CAMTA1: variants seen among roughly 807,000 people sequenced by gnomAD.
The protein encoded by CAMTA1 is calmodulin-binding transcription activator 1.
In CAMTA1, 27 loss-of-function variants were observed where a neutral mutation model predicts 170.9. The ratio of observed to expected loss-of-function variants is 0.16; its 90% confidence interval spans 0.12 to 0.22. The LOEUF (loss-of-function observed/expected upper bound fraction) is 0.22. Among genes scored for constraint, CAMTA1 ranks in the 10% least tolerant of loss-of-function variants. The probability of loss-of-function intolerance (pLI) is 1.00; values close to 1 mark genes in which losing one functional copy is unlikely to be tolerated. For missense variants in CAMTA1, 1,619 were observed against 2,217.2 expected, an observed-to-expected ratio of 0.73 and a Z score of 5.42; for synonymous variants, 833 against 891.5, an observed-to-expected ratio of 0.93 and a Z score of 1.17.
chr1:7,714,484 T>C (rs2149702120), intron 11 of CAMTA1, among the ~76,000 whole-genome samples: 1 of 152,254 alleles, frequency 6.6e-6, no homozygotes, highest in South Asian at 2.1e-4. Context: ...AACCTAGTAG[T>C]GCTTTTGTCG....
intron 5 of CAMTA1, among the ~76,000 whole-genome samples, chr1:7,399,060 G>T (rs2089676348): frequency 6.6e-6 from 1 of 152,112 alleles, no homozygotes; most frequent in Non-Finnish European, 1.5e-5. Context: ...GTTTGGATAT[G>T]TTTGTCCCTC....
chr1:7,621,604 G>A (rs896879533), intron 6 of CAMTA1, among the ~76,000 whole-genome samples: 1 of 152,186 alleles, frequency 6.6e-6, no homozygotes, highest in African/African-American at 2.4e-5. Flanking sequence ...TTCCTGTCAG[G>A]TGCCTCTGCC....
chr1:7,244,540 A>C (rs1574155547), intron 4 of CAMTA1, among the ~76,000 whole-genome samples: 1 of 152,226 alleles, frequency 6.6e-6, no homozygotes, highest in Non-Finnish European at 1.5e-5. Context: ...GCACATATAT[A>C]CCATGGAATA....
chr1:7,373,553 C>G (rs1278016750), intron 5 of CAMTA1, among the ~76,000 whole-genome samples: 1 of 152,228 alleles, frequency 6.6e-6, no homozygotes, highest in East Asian at 1.9e-4. Context: ...CACTCAGACT[C>G]ACTCTGAGTC....
intron 3 of CAMTA1, among the ~76,000 whole-genome samples, chr1:7,037,422 A>T (rs1703761271): frequency 6.6e-6 from 1 of 152,228 alleles, no homozygotes; most frequent in African/African-American, 2.4e-5. Context: ...TCCGGCTGGA[A>T]TCAACGAGGC....
intron 7 of CAMTA1, among the ~76,000 whole-genome samples, chr1:7,643,723 C>G (rs150410390): frequency 1.3e-5 from 2 of 152,384 alleles, no homozygotes; most frequent in Non-Finnish European, 2.9e-5. Context: ...ACTCAGCTCT[C>G]TGGTGTCTTG....
At chr1:7,394,711 T>C (rs916353154) in intron 5 of CAMTA1, among the ~76,000 whole-genome samples, 1 of 152,070 alleles carries the variant, frequency 6.6e-6, no homozygotes, top group African/African-American at 2.4e-5. Context: ...ATCCCATTTG[T>C]CTATTGTTCC....
At chr1:6,808,223 G>T (rs1644746218) in intron 1 of CAMTA1, among the ~76,000 whole-genome samples, 1 of 151,812 alleles carries the variant, frequency 6.6e-6, no homozygotes, top group Non-Finnish European at 1.5e-5. Context: ...GAGGCTTTTA[G>T]AAGTTTTTTT....
intron 6 of CAMTA1, among the ~76,000 whole-genome samples, chr1:7,512,809 C>T (rs2094220465): frequency 6.6e-6 from 1 of 152,156 alleles, no homozygotes; most frequent in Admixed American, 6.5e-5. Flanking sequence ...GTGAGCCATG[C>T]CTTGGAGGCT....
chr1:6,958,164 C>G (rs868575623), intron 3 of CAMTA1, among the ~76,000 whole-genome samples: 1 of 152,164 alleles, frequency 6.6e-6, no homozygotes. Context: ...CCTGGAGAAC[C>G]TAGCATTAGC....
chr1:7,378,473 G>A (rs189017095), intron 5 of CAMTA1, among the ~76,000 whole-genome samples: 85 of 152,346 alleles, frequency 5.6e-4, no homozygotes, highest in Admixed American at 9.8e-4. Context: ...ATGAACCTGA[G>A]GACGTATTGC....
chr1:7,160,403 C>T (rs530951143), intron 4 of CAMTA1, among the ~76,000 whole-genome samples: 1 of 152,260 alleles, frequency 6.6e-6, no homozygotes, highest in South Asian at 2.1e-4. Flanking sequence ...TCCTGGTTGC[C>T]ATCGGACGTT....
Position 7,482,264 on chromosome 1 carries a change from G to A in CAMTA1, c.510+14363G>A, listed in dbSNP as rs759507944. Among the ~76,000 whole-genome samples the A allele has an allele frequency of 9.8e-5, 15 of 152,288 alleles. No individual in the cohort carries two copies. The highest frequency in any genetic ancestry group is 3.4e-3 in the Middle Eastern group (1 of 294). ...TTTTGTTCACTGCTACATTTGGAGT[G>A]CCTGGAGCCATGCCTAGCACATAAG... On this transcript the variant is annotated intron_variant, in intron 6 of 22. Transcript: ENST00000303635. The surrounding 1 kb of genome is among the most constrained non-coding windows in gnomAD (Gnocchi z 4.2).
Position 7,565,912 on chromosome 1 carries a change from C to T in CAMTA1, c.511-74488C>T, listed in dbSNP as rs1340601851. Among the ~76,000 whole-genome samples, 1 of 150,802 alleles carries T rather than the reference C, an allele frequency of 6.6e-6. No individual in the cohort carries two copies. The highest frequency in any genetic ancestry group is 1.9e-4 in the East Asian group (1 of 5,170). On this transcript the variant is annotated intron_variant, in intron 6 of 22. Transcript: ENST00000303635. This position sits in a 1 kb window ranked among gnomAD's most constrained non-coding sequence, Gnocchi z 4.5. ...GCAGACAGCCGCCTTCTCGCTGTGT[C>T]CTCACATAGTAGGGAGAGAGAGAGA...
intron 3 of CAMTA1, among the ~76,000 whole-genome samples, chr1:7,033,734 C>T (rs965346160): frequency 3.3e-5 from 5 of 151,692 alleles, no homozygotes; most frequent in African/African-American, 1.2e-4. Context: ...GCTGGGATCA[C>T]AGGTGTATGC....
intron 4 of CAMTA1, among the ~76,000 whole-genome samples, chr1:7,240,960 A>G (rs1049903938): frequency 6.6e-6 from 1 of 152,220 alleles, no homozygotes; most frequent in African/African-American, 2.4e-5. Context: ...CAGCCAGTGC[A>G]ATAAAGCAAG....
At chr1:7,197,674 A>T (rs1655806844) in intron 4 of CAMTA1, among the ~76,000 whole-genome samples, 1 of 137,048 alleles carries the variant, frequency 7.3e-6, no homozygotes, top group Non-Finnish European at 1.6e-5. Flanking sequence ...ACACACACAC[A>T]CACAATCTAC....
At chr1:6,857,819 A>G (rs1205909649) in intron 3 of CAMTA1, among the ~76,000 whole-genome samples, 2 of 152,210 alleles carry the variant, frequency 1.3e-5, no homozygotes, top group African/African-American at 2.4e-5. Context: ...TGCCGAGTGC[A>G]CTGTAAAAAG....
At chr1:7,466,013 C>A (rs569004063) in intron 5 of CAMTA1, among the ~76,000 whole-genome samples, 2 of 152,214 alleles carry the variant, frequency 1.3e-5, no homozygotes, top group Non-Finnish European at 2.9e-5. Context: ...ACCCCTCAGC[C>A]GTTGATATCT....
Sources: allele counts gnomAD v4.1 joint callset (sites outside exome capture counted in the v4.1 genomes callset), GRCh38; gene constraint gnomAD v4.1.1; non-coding constraint Gnocchi (gnomAD v3.1); transcripts MANE v1.5; gene names NCBI Gene and HGNC (gene_info 2026-07-23, HGNC 2026-07-21).